The following ANKIB1 variants were observed in gnomAD, a reference collection of about 807,000 sequenced individuals.
ANKIB1 encodes ankyrin repeat and IBR domain-containing protein 1.
ANKIB1 carries 43 observed loss-of-function variants against 122.1 expected under a neutral mutation model. That is an observed-to-expected ratio of 0.35 (90% CI 0.28 to 0.45). ANKIB1 has a LOEUF of 0.45. ANKIB1 is among the 20% of genes least tolerant of loss of function. The pLI is 1.00. For synonymous variants in ANKIB1, 390 were observed against 442.0 expected (o/e 0.88, Z 1.48); for missense variants, 992 against 1,329.5 (o/e 0.75, Z 3.95).
At chr7:92,255,658 T>C (rs1394578368) in intron 1 of ANKIB1, among the ~76,000 whole-genome samples, 13 of 152,206 alleles carry the variant, frequency 8.5e-5, no homozygotes, top group Admixed American at 8.5e-4. Context: ...TTATGAAATA[T>C]ATTTTTTTCT....
At chr7:92,381,218 C>A (rs1804505625) in intron 11 of ANKIB1, among the ~76,000 whole-genome samples, 2 of 152,188 alleles carry the variant, frequency 1.3e-5, no homozygotes, top group Admixed American at 1.3e-4. Flanking sequence ...ATGAACGAAG[C>A]CTCCAAGAAA....
chr7:92,357,744 A>AG (rs1297847816), intron 9 of ANKIB1, among the ~76,000 whole-genome samples: 2 of 150,742 alleles, frequency 1.3e-5, no homozygotes, highest in Non-Finnish European at 2.9e-5. Flanking sequence ...AAAAAAAAAA[A>AG]AAAAAGAAAA....
At chr7:92,345,756 C>T (rs191690903) in intron 7 of ANKIB1, among the ~76,000 whole-genome samples, 4 of 151,796 alleles carry the variant, frequency 2.6e-5, no homozygotes, top group African/African-American at 9.7e-5. Flanking sequence ...TGAGATATGT[C>T]ATTGGTATTT....
intron 2 of ANKIB1, 74 bp downstream of exon 2, chr7:92,295,240 AGG>A: frequency 8.7e-7 from 1 of 1,143,446 alleles, no homozygotes. Flanking sequence ...GTGAAAAAAA[AGG>A]AACTATGATT....
At chr7:92,339,095 G>A (rs1486950136) in intron 5 of ANKIB1, among the ~76,000 whole-genome samples, 1 of 122,022 alleles carries the variant, frequency 8.2e-6, no homozygotes, top group Admixed American at 9.0e-5. Context: ...AGGCTAGAGT[G>A]TAGTGGCACT....
intron 1 of ANKIB1, among the ~76,000 whole-genome samples, chr7:92,265,318 A>AAAGCCT (rs1186231036): frequency 6.6e-6 from 1 of 152,206 alleles, no homozygotes; most frequent in Non-Finnish European, 1.5e-5. Flanking sequence ...AGAAGATGTT[A>AAAGCCT]AAGCCTAAGA....
chr7:92,391,018 A>G, intron 15 of ANKIB1, 148 bp from the exon 16 acceptor site: 1 of 512,208 alleles, frequency 2.0e-6, no homozygotes, highest in Non-Finnish European at 3.3e-6. Flanking sequence ...AAAATAGAAA[A>G]TATATTACAT....
chr7:92,356,324 C>T (rs949872704), intron 9 of ANKIB1, among the ~76,000 whole-genome samples: 1 of 152,206 alleles, frequency 6.6e-6, no homozygotes, highest in East Asian at 1.9e-4. Flanking sequence ...CTTAGATTAA[C>T]AGCTCTAGTT....
chr7:92,390,311 A>T (rs1280466060), intron 15 of ANKIB1, among the ~76,000 whole-genome samples, 195 bp downstream of exon 15: 1 of 152,102 alleles, frequency 6.6e-6, no homozygotes, highest in Non-Finnish European at 1.5e-5. Flanking sequence ...TAAATTTGTC[A>T]CTCTGCAGGT....
intron 1 of ANKIB1, among the ~76,000 whole-genome samples, chr7:92,254,247 G>A (rs913861567): frequency 6.6e-6 from 1 of 152,198 alleles, no homozygotes; most frequent in Non-Finnish European, 1.5e-5. Flanking sequence ...ATACTGTTTT[G>A]AGATACTAAG....
chr7:92,303,266 G>A (rs931860894), intron 2 of ANKIB1, among the ~76,000 whole-genome samples: 1 of 152,124 alleles, frequency 6.6e-6, no homozygotes, highest in Non-Finnish European at 1.5e-5. Flanking sequence ...TTACCTAGTT[G>A]AGCATCCCAC....
At chr7:92,342,939 A>G in intron 5 of ANKIB1, 85 bp from the exon 6 acceptor site, 2 of 1,277,518 alleles carry the variant, frequency 1.6e-6, no homozygotes, top group East Asian at 2.4e-5. Context: ...AAAATTTGTA[A>G]TTCTCATATT....
intron 1 of ANKIB1, among the ~76,000 whole-genome samples, chr7:92,261,537 G>T (rs1224283042): frequency 6.6e-6 from 1 of 152,054 alleles, no homozygotes; most frequent in African/African-American, 2.4e-5. Context: ...ATTTTGGTAT[G>T]CATTTTGCTT....
At chr7:92,344,679 A>G (rs1054720413) in intron 6 of ANKIB1, among the ~76,000 whole-genome samples, 1 of 152,256 alleles carries the variant, frequency 6.6e-6, no homozygotes, top group African/African-American at 2.4e-5. Flanking sequence ...GGCCCAAATG[A>G]TTTGTTTCTT....
chr7:92,317,783 G>A (rs965640033), intron 3 of ANKIB1, among the ~76,000 whole-genome samples: 1 of 152,168 alleles, frequency 6.6e-6, no homozygotes, highest in Non-Finnish European at 1.5e-5. Flanking sequence ...TAGGAAGATT[G>A]TGTGTTTGTT....
intron 4 of ANKIB1, chr7:92,320,006 G>A: frequency 6.6e-6 from 1 of 152,638 alleles, no homozygotes; most frequent in Non-Finnish European, 1.5e-5. Flanking sequence ...TCATATATGA[G>A]TGTGTTTACT....
intron 11 of ANKIB1, among the ~76,000 whole-genome samples, chr7:92,378,292 C>T (rs1008912786): frequency 6.6e-6 from 1 of 151,984 alleles, no homozygotes; most frequent in Non-Finnish European, 1.5e-5. Context: ...CACAAATTCA[C>T]AATCCATGTC....
intron 11 of ANKIB1, among the ~76,000 whole-genome samples, chr7:92,372,619 A>G (rs1311224419): frequency 1.3e-5 from 2 of 152,090 alleles, no homozygotes; most frequent in Non-Finnish European, 2.9e-5. Context: ...TGGCTGAAAA[A>G]TACTTAATAT....
intron 1 of ANKIB1, among the ~76,000 whole-genome samples, chr7:92,266,201 G>A (rs1360220220): frequency 2.6e-5 from 4 of 152,148 alleles, no homozygotes; most frequent in Admixed American, 2.6e-4. Flanking sequence ...TTTGTTCAGA[G>A]GGCTGCTAAG....
Sources: gnomAD v4.1 joint callset for allele counts (sites outside exome capture counted in the v4.1 genomes callset) on GRCh38, gnomAD v4.1.1 for gene constraint, MANE v1.5 for transcripts, NCBI Gene and HGNC (gene_info 2026-07-23, HGNC 2026-07-21) for gene names.